GATAD2A: variants seen among roughly 807,000 people sequenced by gnomAD.
GATAD2A encodes the protein GATA zinc finger domain containing 2A, also known as transcriptional repressor p66-alpha.
In GATAD2A, 12 loss-of-function variants were observed where a neutral mutation model predicts 68.5. The ratio of observed to expected loss-of-function variants is 0.18; its 90% confidence interval spans 0.11 to 0.28. The LOEUF is 0.28. Ranked by LOEUF, GATAD2A falls within the 10% of genes least tolerant of loss-of-function variation. The pLI, the probability that GATAD2A is intolerant of heterozygous loss-of-function variation, is 1.00. For synonymous variants in GATAD2A, 410 were observed against 375.3 expected, an observed-to-expected ratio of 1.09 and a Z score of -1.07; for missense variants, 755 against 868.5, an observed-to-expected ratio of 0.87 and a Z score of 1.64.
intron 1 of GATAD2A, among the ~76,000 whole-genome samples, chr19:19,409,132 A>C (rs2050630813): frequency 6.6e-6 from 1 of 151,618 alleles, no homozygotes; most frequent in East Asian, 1.9e-4. Context: ...TTACCACTGA[A>C]TTTGTTTAAG....
At chr19:19,417,250 CAG>C (rs1047607229) in intron 1 of GATAD2A, among the ~76,000 whole-genome samples, 13 of 152,134 alleles carry the variant, frequency 8.5e-5, no homozygotes, top group African/African-American at 1.4e-4. Context: ...GGATGAGTGA[CAG>C]GGGTGCAGAC....
Position 19,492,375 on chromosome 19 carries a change from G to A in GATAD2A, c.339G>A (p.Ser113=), listed in dbSNP as rs2059855861. 8.7e-6 allele frequency: 14 copies of A among 1,613,204 alleles called. No homozygotes were observed. The highest frequency in any genetic ancestry group is 2.2e-5 in the East Asian group (1 of 44,844). ...VIVLSDNEQP[S]SPRVNGLTTV... ...TGCTCTCCGACAACGAGCAGCCCTC[G>A]AGCCCGAGAGTGAATGGGCTGACCA... Residue 113 remains serine (S), a synonymous_variant, in exon 3 of 12, where the codon TCG becomes TCA. Transcript: ENST00000683918.
rs758180030 is a variant in GATAD2A at position 19,492,712 on chromosome 19, G to A, written c.534G>A (p.Lys178=). The A allele has an allele frequency of 6.2e-7, 1 of 1,614,068 alleles. No homozygotes were observed. Among genetic ancestry groups the A allele is most frequent in the Non-Finnish European group, 8.5e-7 (1 of 1,179,996 alleles). Residue 178 remains lysine, a splice_region_variant and synonymous_variant, in exon 4 of 12, where the codon AAG becomes AAA. Coordinates refer to ENST00000683918, the MANE Select transcript of GATAD2A (RefSeq NM_001384528.1). ...TACAAAAGGAAGCCACCGCCCAGAA[G>A]GTGCGTGCCTGTCTCCCCTCCTTCC... ...SQIQKEATAQ[K]PTGSVGSTVT...
intron 1 of GATAD2A, among the ~76,000 whole-genome samples, chr19:19,390,405 C>T (rs2048760602): frequency 1.3e-5 from 2 of 151,974 alleles, no homozygotes; most frequent in South Asian, 4.1e-4. Context: ...GACTCACAGA[C>T]CAGGAAGCGC....
At chr19:19,415,668 A>G (rs1216086950) in intron 1 of GATAD2A, among the ~76,000 whole-genome samples, 7 of 130,546 alleles carry the variant, frequency 5.4e-5, no homozygotes, top group Admixed American at 2.6e-4. Context: ...ACCAGGCTGG[A>G]GGGCAGTGGC....
intron 1 of GATAD2A, among the ~76,000 whole-genome samples, chr19:19,416,195 C>T (rs1842477190): frequency 6.6e-6 from 1 of 152,138 alleles, no homozygotes; most frequent in South Asian, 2.1e-4. Context: ...AAAAGGAGCA[C>T]ATGGAAATGG....
intron 1 of GATAD2A, among the ~76,000 whole-genome samples, chr19:19,430,004 T>A (rs563352397): frequency 2.6e-5 from 4 of 152,226 alleles, no homozygotes; most frequent in South Asian, 4.1e-4. Context: ...TGGCTAGGGC[T>A]ACCTCTGTCT....
chr19:19,394,476 C>T (rs1185978534), intron 1 of GATAD2A, among the ~76,000 whole-genome samples: 7 of 143,940 alleles, frequency 4.9e-5, no homozygotes, highest in African/African-American at 7.7e-5. Flanking sequence ...GATGGAGTCT[C>T]GCTGTGTTGC....
intron 1 of GATAD2A, among the ~76,000 whole-genome samples, chr19:19,433,347 TAA>T (rs2053956112): frequency 6.6e-6 from 1 of 152,200 alleles, no homozygotes; most frequent in Non-Finnish European, 1.5e-5. Flanking sequence ...AGCTTTATGT[TAA>T]GTCTCAAAAT....
chr19:19,496,036 C>A lies in GATAD2A; in HGVS notation c.757-16C>A. ...TCTCAGTCAGATTTCTTGTTCTCCC[C>A]ACCCTACCCCAACAGCAAATCCACA... On this transcript the variant is annotated splice_polypyrimidine_tract_variant and intron_variant, in intron 6 of 11. Coordinates refer to ENST00000683918, the MANE Select transcript of GATAD2A (RefSeq NM_001384528.1). 6.2e-7 allele frequency: 1 copy of A among 1,611,404 alleles called. No individual in the cohort carries two copies. Among genetic ancestry groups the A allele is most frequent in the Non-Finnish European group, 8.5e-7 (1 of 1,177,886 alleles).
At chr19:19,398,481 G>A (rs1310887767) in intron 1 of GATAD2A, among the ~76,000 whole-genome samples, 4 of 146,448 alleles carry the variant, frequency 2.7e-5, no homozygotes, top group Admixed American at 2.1e-4. Flanking sequence ...GATTACAGGC[G>A]TGAGCCACCA....
At chr19:19,472,350 T>G (rs2058372773) in intron 2 of GATAD2A, 1 of 152,010 alleles carries the variant, frequency 6.6e-6, no homozygotes, top group Non-Finnish European at 1.5e-5. Flanking sequence ...TTTTTTTTTT[T>G]GAGATGGAGT....
upstream of GATAD2A, among the ~76,000 whole-genome samples, chr19:19,403,964 T>C (rs1206502504): frequency 1.3e-5 from 2 of 152,178 alleles, no homozygotes; most frequent in African/African-American, 4.8e-5. Flanking sequence ...TTGAATTTCT[T>C]TGTAGCAAAG....
chr19:19,423,580 C>T (rs1456644628), intron 1 of GATAD2A, among the ~76,000 whole-genome samples: 1 of 152,220 alleles, frequency 6.6e-6, no homozygotes, highest in Non-Finnish European at 1.5e-5. Context: ...GGTGCCATGG[C>T]GTGGTTAGTG....
At chr19:19,463,468 G>C (rs4808960) in intron 1 of GATAD2A, among the ~76,000 whole-genome samples, 28,832 of 151,972 alleles carry the variant, frequency 0.19, 2,963 homozygotes, top group South Asian at 0.34. Context: ...CTCTACCTGG[G>C]CTCCATTCCA....
At chr19:19,450,162 C>G (rs1301036106) in intron 1 of GATAD2A, among the ~76,000 whole-genome samples, 2 of 152,158 alleles carry the variant, frequency 1.3e-5, no homozygotes, top group African/African-American at 4.8e-5. Context: ...GGATGGATGT[C>G]CTGGTCGTTG....
In GATAD2A at chr19:19,508,822, C is replaced by G. The variant is rs979932903; in HGVS notation, c.*3348C>G. The G allele has an allele frequency of 2.0e-5, 3 of 152,108 alleles. No homozygotes were observed. The highest frequency in any genetic ancestry group is 1.3e-4 in the Admixed American group (2 of 15,270). The allele number at this position is 152,108 out of a possible 1,614,324, so 9.4% of individuals were successfully genotyped here. A position where few individuals can be genotyped will look rare whatever the true frequency, so the allele number is the denominator to read the frequency against. The stretch of plus-strand genomic sequence containing the variant: ...CAAATGTAAAAAGAAATGTTTGCCA[C>G]CAGATGGGAATAGAAGTTCCAATAA... On this transcript the variant is annotated 3_prime_UTR_variant, in exon 12 of 12. Coordinates refer to ENST00000683918, the MANE Select transcript of GATAD2A (RefSeq NM_001384528.1).
chr19:19,481,174 G>C (rs1279875608), intron 2 of GATAD2A, among the ~76,000 whole-genome samples: 1 of 152,016 alleles, frequency 6.6e-6, no homozygotes, highest in East Asian at 1.9e-4. Context: ...CAGGAGGGGT[G>C]CTGCGATCAG....
intron 1 of GATAD2A, among the ~76,000 whole-genome samples, chr19:19,413,418 A>C (rs1295084700): frequency 1.3e-5 from 2 of 152,026 alleles, no homozygotes; most frequent in Admixed American, 1.3e-4. Flanking sequence ...GGAACACCTG[A>C]ACTTCATTTT....
Sources: allele counts gnomAD v4.1 joint callset (sites outside exome capture counted in the v4.1 genomes callset), GRCh38; gene constraint gnomAD v4.1.1; transcripts MANE v1.5; gene names NCBI Gene and HGNC (gene_info 2026-07-23, HGNC 2026-07-21).